Variants in SOCS6 observed in about 807,000 individuals in gnomAD.
SOCS6 encodes STAT induced STAT inhibitor-4.
A neutral mutation model predicts 27.7 loss-of-function variants in SOCS6; 5 were observed. The ratio of observed to expected loss-of-function variants is 0.18; its 90% CI spans 0.09 to 0.38. The LOEUF is 0.38. Among genes scored for constraint, SOCS6 ranks in the 10% least tolerant of loss-of-function variants. The pLI, the probability that SOCS6 is intolerant of heterozygous loss-of-function variation, is 1.00. For missense variants in SOCS6, 595 were observed against 688.1 expected, an observed-to-expected ratio of 0.86 and a Z score of 1.51; for synonymous variants, 271 against 260.0, an observed-to-expected ratio of 1.04 and a Z score of -0.41.
chr18:70,324,302 A>AAATAATAATAATAATAATAAT (rs560395562), intron 1 of SOCS6, among the ~76,000 whole-genome samples: 2,106 of 150,258 alleles, frequency 0.014, 57 homozygotes, highest in African/African-American at 0.048. Context: ...ACTCATCTCA[A>AAATAATAATAATAATAATAAT]AATAATAATA....
At chr18:70,316,603 T>A (rs2062412474) in intron 1 of SOCS6, among the ~76,000 whole-genome samples, 2 of 152,206 alleles carry the variant, frequency 1.3e-5, no homozygotes, top group Non-Finnish European at 2.9e-5. Context: ...TCATTTTGTT[T>A]GACCAGTTTA....
intron 1 of SOCS6, among the ~76,000 whole-genome samples, chr18:70,297,690 ATAT>A (rs2062330370): frequency 6.6e-6 from 1 of 152,124 alleles, no homozygotes; most frequent in Non-Finnish European, 1.5e-5. Context: ...TAAGATTTTT[ATAT>A]TGTTTGCTTA....
chr18:70,314,780 G>A (rs773716403), intron 1 of SOCS6, among the ~76,000 whole-genome samples: 1 of 151,938 alleles, frequency 6.6e-6, no homozygotes, highest in Non-Finnish European at 1.5e-5. Flanking sequence ...TGGCTAATAT[G>A]TTGGGAATAA....
At chr18:70,296,704 C>T (rs2062324292) in intron 1 of SOCS6, 2 of 152,206 alleles carry the variant, frequency 1.3e-5, no homozygotes, top group South Asian at 4.1e-4. Flanking sequence ...TCTTTTCCCC[C>T]TGGAAGCTTT....
intron 1 of SOCS6, among the ~76,000 whole-genome samples, chr18:70,296,126 C>T (rs755559666): frequency 1.3e-5 from 2 of 152,116 alleles, no homozygotes; most frequent in Non-Finnish European, 2.9e-5. Context: ...CTTAGTTTAC[C>T]GCCTTGATAT....
intron 1 of SOCS6, among the ~76,000 whole-genome samples, chr18:70,308,437 G>C (rs2062377934): frequency 6.6e-6 from 1 of 151,508 alleles, no homozygotes; most frequent in African/African-American, 2.4e-5. Context: ...GTCCAGGCTG[G>C]TTTTGAATTC....
At chr18:70,319,108 A>T (rs1215368059) in intron 1 of SOCS6, among the ~76,000 whole-genome samples, 1 of 152,030 alleles carries the variant, frequency 6.6e-6, no homozygotes, top group African/African-American at 2.4e-5. Flanking sequence ...CTTTTTTATT[A>T]TATGGTCTGT....
In SOCS6 at chr18:70,325,494, G is replaced by A. The variant is rs762157657; in HGVS notation, c.826G>A (p.Ala276Thr). The change falls in exon 2 of 2, where the codon GCC (alanine) becomes ACC (threonine). Residue 276 changes from alanine (A) to threonine (T), a missense_variant. Coordinates refer to ENST00000397942, the MANE Select transcript of SOCS6 (RefSeq NM_004232.4). This position sits in a 1 kb window ranked among gnomAD's most constrained non-coding sequence, Gnocchi z 6.3. ...ESQVDQDLVV[A>T]PEIFVDQSVN... Reference sequence around the variant, plus strand: ...TCAGGTAGACCAGGACCTAGTTGTCGCCCCAGAGATCTTCGTGGATCAGTC... The same window carrying A: ...TCAGGTAGACCAGGACCTAGTTGTCACCCCAGAGATCTTCGTGGATCAGTC... The A allele has an allele frequency of 1.6e-5, 26 of 1,613,994 alleles. No individual in the cohort carries two copies. Among genetic ancestry groups the A allele is most frequent in the Non-Finnish European group, 2.1e-5 (25 of 1,180,046 alleles).
At chr18:70,300,575 A>G (rs1384513491) in intron 1 of SOCS6, among the ~76,000 whole-genome samples, 1 of 152,242 alleles carries the variant, frequency 6.6e-6, no homozygotes, top group African/African-American at 2.4e-5. Flanking sequence ...CTCATGGGAA[A>G]GTTGTTCATT....
At chr18:70,291,284 G>A (rs1184182899) in intron 1 of SOCS6, among the ~76,000 whole-genome samples, 1 of 151,956 alleles carries the variant, frequency 6.6e-6, no homozygotes, top group African/African-American at 2.4e-5. Flanking sequence ...TTGTTTTTTG[G>A]AGAGGTGGGG....
intron 1 of SOCS6, among the ~76,000 whole-genome samples, chr18:70,305,003 G>A (rs985004807): frequency 1.1e-4 from 17 of 152,032 alleles, no homozygotes; most frequent in Non-Finnish European, 1.6e-4. Flanking sequence ...TCAGGAGTTC[G>A]AGACCAGTCT....
intron 1 of SOCS6, among the ~76,000 whole-genome samples, chr18:70,317,473 CATATAT>C (rs1269572326): frequency 5.6e-4 from 77 of 137,132 alleles, no homozygotes; most frequent in African/African-American, 2.6e-3. Context: ...CATATATACA[CATATAT>C]ACATACATAT....
intron 1 of SOCS6, among the ~76,000 whole-genome samples, chr18:70,304,265 G>T (rs2062360151): frequency 6.6e-6 from 1 of 152,162 alleles, no homozygotes; most frequent in South Asian, 2.1e-4. Context: ...GGATGATCTG[G>T]ATGAACTGAT....
chr18:70,313,035 C>T (rs2062396893), intron 1 of SOCS6, among the ~76,000 whole-genome samples: 1 of 152,148 alleles, frequency 6.6e-6, no homozygotes, highest in South Asian at 2.1e-4. Context: ...CTGCTTCAGC[C>T]TCCCAAAGTG....
At position 70,317,689 on chromosome 18, in the gene SOCS6, T is replaced by TC. The variant is rs777365966; in HGVS notation, c.-126-6851dup. 2.0e-5 allele frequency among the ~76,000 whole-genome samples: 3 copies of TC among 151,946 alleles called. No individual in the cohort carries two copies. In the South Asian group the frequency reaches 6.2e-4, roughly 32 times the overall value. ...GTGTGCCAGTACAATTTTTTTTTTT[T>TC]CCCTCTGGGTAGATACCTAGTAGTG... On this transcript the variant is annotated intron_variant, in intron 1 of 1. Transcript: ENST00000397942.
In SOCS6 at chr18:70,325,408, C is replaced by T; in HGVS notation, c.740C>T (p.Pro247Leu). 3.1e-6 allele frequency: 5 copies of T among 1,614,192 alleles called. No homozygotes were observed. Among genetic ancestry groups the T allele is most frequent in the Non-Finnish European group, 3.4e-6 (4 of 1,180,044 alleles). The change falls in exon 2 of 2, where the codon CCC becomes CTC. Residue 247 changes from proline (P) to leucine (L), a missense_variant. Pro to Leu is a moderately conservative substitution (Grantham distance 98). Transcript: ENST00000397942. The surrounding 1 kb of genome is among the most constrained non-coding windows in gnomAD (Gnocchi z 6.3). ...SRSYCLDSSS[P>L]MEVSAVPPQV... is the part of the protein sequence containing the mutation. ...AGCTATTGTCTGGACAGCTCTTCTCCCATGGAAGTCTCTGCGGTTCCTCCT... is the reference window on the plus strand; with the variant it reads ...AGCTATTGTCTGGACAGCTCTTCTCTCATGGAAGTCTCTGCGGTTCCTCCT...
chr18:70,315,090 C>T (rs2062406301), intron 1 of SOCS6, among the ~76,000 whole-genome samples: 1 of 152,170 alleles, frequency 6.6e-6, no homozygotes, highest in Non-Finnish European at 1.5e-5. Flanking sequence ...CTCCCTACCA[C>T]TCCCAATGTT....
At chr18:70,289,689 C>T (rs1045270962) in intron 1 of SOCS6, among the ~76,000 whole-genome samples, 1 of 150,986 alleles carries the variant, frequency 6.6e-6, no homozygotes, top group Admixed American at 6.6e-5. Context: ...CCCGCCCCAC[C>T]GCGAGGTCGC....
At position 70,328,018 on chromosome 18, in the gene SOCS6, G is replaced by T. The variant is rs929566127; in HGVS notation, c.*1742G>T. 1 of 166,950 alleles carries T rather than the reference G, an allele frequency of 6.0e-6. No homozygotes were observed. 10.3% of individuals were successfully genotyped at this position (166,950 alleles called of 1,614,324 possible). A position where few individuals can be genotyped will look rare whatever the true frequency, so the allele number is the denominator to read the frequency against. The stretch of plus-strand genomic sequence containing the variant: ...AAAGGGGAAAAGGTACTTAATTTTG[G>T]TGGGATGTTGATTGTACCTTGTTAA... On this transcript the variant is annotated 3_prime_UTR_variant, in exon 2 of 2. Coordinates refer to ENST00000397942, the MANE Select transcript of SOCS6 (RefSeq NM_004232.4).
Sources: allele counts gnomAD v4.1 joint callset (sites outside exome capture counted in the v4.1 genomes callset), GRCh38; gene constraint gnomAD v4.1.1; non-coding constraint Gnocchi (gnomAD v3.1); transcripts MANE v1.5; gene names NCBI Gene and HGNC (gene_info 2026-07-23, HGNC 2026-07-21).